Variants in NUDCD2 observed in about 807,000 individuals in gnomAD.
The protein encoded by NUDCD2 is nudC domain-containing protein 2.
A neutral mutation model predicts 20.8 loss-of-function variants in NUDCD2; 16 were observed. The ratio of observed to expected loss-of-function variants is 0.77; its 90% CI spans 0.52 to 1.17. NUDCD2 has a LOEUF of 1.17. Ranked by LOEUF, NUDCD2 falls within the 50% of genes most tolerant of loss-of-function variation. The probability of loss-of-function intolerance (pLI) is 0.00; values close to 1 mark genes in which losing one functional copy is unlikely to be tolerated. For missense variants in NUDCD2, 199 were observed against 193.9 expected (o/e 1.03, Z -0.16); for synonymous variants, 87 against 72.8 (o/e 1.20, Z -1.00).
At chr5:163,459,586 T>C (rs1758420829) in intron 1 of NUDCD2, 1 of 253,024 alleles carries the variant, frequency 4.0e-6, no homozygotes, top group Non-Finnish European at 7.5e-6. Flanking sequence ...TTTAGCAACC[T>C]AGTTAATCTG....
chr5:163,457,641 T>C (rs755827997), intron 1 of NUDCD2, 31 bp from the exon 2 acceptor site: 5 of 1,384,196 alleles, frequency 3.6e-6, no homozygotes. Context: ...GTGCTAAAAA[T>C]ACAGAATTTA....
chr5:163,456,990 G>A lies in NUDCD2; in HGVS notation c.329C>T (p.Ala110Val), dbSNP rs1190056597. The A allele has an allele frequency of 2.5e-6, 4 of 1,612,786 alleles. No homozygotes were observed. The South Asian group carries it at 3.3e-5, about 13-fold the overall frequency. Residue 110 changes from alanine to valine, a missense_variant, in exon 3 of 4, where the codon GCG (alanine) becomes GTG (valine). Ala to Val is a moderately conservative substitution (Grantham distance 64). Coordinates refer to ENST00000302764, the MANE Select transcript of NUDCD2 (RefSeq NM_145266.6). ...WTSLLESEYA[A>V]DPWVQDQMQR... is the part of the protein sequence containing the mutation. ...CATTTGGTCTTGCACCCAAGGATCCGCTGCATATTCAGATTCTAGTAGAGA... is the reference window on the plus strand; with the variant it reads ...CATTTGGTCTTGCACCCAAGGATCCACTGCATATTCAGATTCTAGTAGAGA...
chr5:163,459,685 T>A (rs1354253695), intron 1 of NUDCD2, 177 bp downstream of exon 1: 1 of 488,858 alleles, frequency 2.0e-6, no homozygotes, highest in African/African-American at 2.0e-5. Flanking sequence ...TTTCCACAAC[T>A]CAGCACCTGC....
intron 1 of NUDCD2, 117 bp downstream of exon 1, chr5:163,459,745 C>A: frequency 1.1e-6 from 1 of 871,916 alleles, no homozygotes; most frequent in Non-Finnish European, 1.7e-6. Context: ...CAGTGTTATC[C>A]TCTTTCTCTT....
In NUDCD2 at chr5:163,453,854, TTTTGCAA is replaced by T. The variant is rs1457388960; in HGVS notation, c.*106_*112del. The stretch of plus-strand genomic sequence containing the variant: ...ATTTTTAGAACCATTTTAAGATACA[TTTTGCAA>T]TCTGTTAACTGTAGGCATCCGCATT... On this transcript the variant is annotated 3_prime_UTR_variant, in exon 4 of 4. Transcript: ENST00000302764. 12 of 480,142 alleles carry T rather than the reference TTTTGCAA, an allele frequency of 2.5e-5. No individual in the cohort carries two copies. The highest frequency in any genetic ancestry group is 4.2e-5 in the Non-Finnish European group (11 of 263,392). The allele number at this position is 480,142 out of a possible 1,614,324, so 29.7% of individuals were successfully genotyped here.
intron 3 of NUDCD2, among the ~76,000 whole-genome samples, chr5:163,455,817 A>C (rs941368780): frequency 1.3e-5 from 2 of 150,282 alleles, no homozygotes; most frequent in Non-Finnish European, 2.9e-5. Flanking sequence ...ACCAATTAGA[A>C]CGTTATTAGA....
chr5:163,458,263 G>T (rs993987910), intron 1 of NUDCD2, among the ~76,000 whole-genome samples: 3 of 152,108 alleles, frequency 2.0e-5, no homozygotes, highest in African/African-American at 7.2e-5. Context: ...TTACAGGCAT[G>T]AGCTACCGCA....
chr5:163,449,254 A>C lies in NUDCD2; in HGVS notation c.*4713T>G, dbSNP rs891859871. 6.6e-6 allele frequency: 1 copy of C among 152,218 alleles called. No individual in the cohort carries two copies. Among genetic ancestry groups the C allele is most frequent in the Non-Finnish European group, 1.5e-5 (1 of 68,044 alleles). The allele number at this position is 152,218 out of a possible 1,614,324, so 9.4% of individuals were successfully genotyped here. On this transcript the variant is annotated 3_prime_UTR_variant, in exon 4 of 4. Transcript: ENST00000302764. ...CGTAGTTTATGTAGAAAACTTAATG[A>C]GTTAACAACAAAATAACTCCCAAAA...
intron 3 of NUDCD2, among the ~76,000 whole-genome samples, chr5:163,456,322 TAA>T (rs902984772): frequency 3.3e-5 from 5 of 152,182 alleles, no homozygotes; most frequent in African/African-American, 1.2e-4. Context: ...CAGCTTTCTT[TAA>T]AATAGAGAAA....
Position 163,453,876 on chromosome 5 carries a change from G to A in NUDCD2, c.*91C>T. 1.7e-6 allele frequency: 1 copy of A among 575,298 alleles called. No individual in the cohort carries two copies. The highest frequency in any genetic ancestry group is 3.0e-6 in the Non-Finnish European group (1 of 333,638). The allele number at this position is 575,298 out of a possible 1,614,324, so 35.6% of individuals were successfully genotyped here. A position where few individuals can be genotyped will look rare whatever the true frequency, so the allele number is the denominator to read the frequency against. ...ACATTTTGCAATCTGTTAACTGTAG[G>A]CATCCGCATTTTTCTTCCATTACAT... On this transcript the variant is annotated 3_prime_UTR_variant, in exon 4 of 4. Transcript: ENST00000302764.
intron 3 of NUDCD2, among the ~76,000 whole-genome samples, chr5:163,454,329 ATTT>A (rs1758248769): frequency 6.6e-6 from 1 of 151,992 alleles, no homozygotes; most frequent in Admixed American, 6.6e-5. Context: ...AATAGCTAGC[ATTT>A]TTATTTTATT....
In NUDCD2 at chr5:163,457,546, T is replaced by C. The variant is rs759489488; in HGVS notation, c.238+16A>G. 3.5e-6 allele frequency: 5 copies of C among 1,414,226 alleles called. No homozygotes were observed. The highest frequency in any genetic ancestry group is 2.3e-5 in the East Asian group (1 of 43,854). The allele number at this position is 1,414,226 out of a possible 1,614,324, so 87.6% of individuals were successfully genotyped here. The stretch of plus-strand genomic sequence containing the variant: ...AAAATTATTTTAATTTGATGAATTA[T>C]AGTAATTACCCTTACCCAAAGTCCA... On this transcript the variant is annotated intron_variant, in intron 2 of 3. Transcript: ENST00000302764.
Position 163,453,882 on chromosome 5 carries a change from G to T in NUDCD2, c.*85C>A. Reference sequence around the variant, plus strand: ...TGCAATCTGTTAACTGTAGGCATCCGCATTTTTCTTCCATTACATAATCTG... The same window carrying T: ...TGCAATCTGTTAACTGTAGGCATCCTCATTTTTCTTCCATTACATAATCTG... On this transcript the variant is annotated 3_prime_UTR_variant, in exon 4 of 4. Coordinates refer to ENST00000302764, the MANE Select transcript of NUDCD2 (RefSeq NM_145266.6). 1.6e-6 allele frequency: 1 copy of T among 626,728 alleles called. No individual in the cohort carries two copies. 38.8% of individuals were successfully genotyped at this position (626,728 alleles called of 1,614,324 possible).
Position 163,460,086 on chromosome 5 carries a change from G to A in NUDCD2, c.-36C>T, listed in dbSNP as rs201312319. The A allele has an allele frequency of 2.7e-6, 4 of 1,506,576 alleles. No homozygotes were observed. Among genetic ancestry groups the A allele is most frequent in the Non-Finnish European group, 3.5e-6 (4 of 1,128,442 alleles). 93.3% of individuals were successfully genotyped at this position (1,506,576 alleles called of 1,614,324 possible). A position where few individuals can be genotyped will look rare whatever the true frequency, so the allele number is the denominator to read the frequency against. ...CTCCCGGCCGCGGCCGCACCAGGCG[G>A]AGCCGAGCGCACGCGCGGAATCCCA... On this transcript the variant is annotated 5_prime_UTR_variant, in exon 1 of 4. Coordinates refer to ENST00000302764, the MANE Select transcript of NUDCD2 (RefSeq NM_145266.6).
chr5:163,455,893 G>T (rs576794963), intron 3 of NUDCD2, among the ~76,000 whole-genome samples: 3 of 152,266 alleles, frequency 2.0e-5, no homozygotes, highest in Non-Finnish European at 4.4e-5. Flanking sequence ...GTGAAAAGTG[G>T]CCAAATTCTA....
At position 163,453,050 on chromosome 5, in the gene NUDCD2, GT is replaced by G. The variant is rs1758215893; in HGVS notation, c.*916del. The G allele has an allele frequency of 2.0e-5, 3 of 152,298 alleles. No individual in the cohort carries two copies. The highest frequency in any genetic ancestry group is 7.2e-5 in the African/African-American group (3 of 41,556). 9.4% of individuals were successfully genotyped at this position (152,298 alleles called of 1,614,324 possible). A position where few individuals can be genotyped will look rare whatever the true frequency, so the allele number is the denominator to read the frequency against. The stretch of plus-strand genomic sequence containing the variant: ...TCCTGATTCTAATGGTTGCATTGTA[GT>G]CATGTAAGATAATTTGAAGCAGATA... On this transcript the variant is annotated 3_prime_UTR_variant, in exon 4 of 4. Transcript: ENST00000302764.
At chr5:163,455,073 T>G (rs1265396222) in intron 3 of NUDCD2, among the ~76,000 whole-genome samples, 1 of 150,752 alleles carries the variant, frequency 6.6e-6, no homozygotes, top group Admixed American at 6.6e-5. Context: ...AAACAGGTAG[T>G]GGGCCAAATT....
At chr5:163,456,724 C>T (rs1758320343) in intron 3 of NUDCD2, among the ~76,000 whole-genome samples, 1 of 152,148 alleles carries the variant, frequency 6.6e-6, no homozygotes, top group African/African-American at 2.4e-5. Context: ...CAAATCACAG[C>T]AATACAAATA....
In NUDCD2 at chr5:163,460,022, C is replaced by A; in HGVS notation, c.29G>T (p.Gly10Val). 1 of 1,601,184 alleles carries A rather than the reference C, an allele frequency of 6.2e-7. No individual in the cohort carries two copies. Among genetic ancestry groups the A allele is most frequent in the Admixed American group, 1.8e-5 (1 of 56,882 alleles). The change falls in exon 1 of 4, where the codon GGG becomes GTG. Residue 10 changes from glycine (G) to valine (V), a missense_variant. By Grantham distance (109) the Gly-to-Val change is moderately radical. Coordinates refer to ENST00000302764, the MANE Select transcript of NUDCD2 (RefSeq NM_145266.6). ...CCACGGGGTCCCGCACGGTACCACC[C>A]CACTCCGCTCCTCAAACGGGGCCGA... MSAPFEERSGVVPCGTPWGQ... is the reference protein window; with the variant it reads MSAPFEERSVVVPCGTPWGQ...
Sources: allele counts gnomAD v4.1 joint callset (sites outside exome capture counted in the v4.1 genomes callset), GRCh38; gene constraint gnomAD v4.1.1; transcripts MANE v1.5; gene names NCBI Gene and HGNC (gene_info 2026-07-23, HGNC 2026-07-21).